Variants in DNAJC1 observed in about 807,000 individuals in gnomAD.
The protein encoded by DNAJC1 is dnaJ homolog subfamily C member 1.
A neutral mutation model predicts 76.6 loss-of-function variants in DNAJC1; 58 were observed. That is an observed-to-expected ratio of 0.76 (90% CI 0.61 to 0.94). The LOEUF (loss-of-function observed/expected upper bound fraction) is 0.94. DNAJC1 is among the 40% of genes least tolerant of loss of function. DNAJC1 has a pLI of 0.00. For missense variants in DNAJC1, 689 were observed against 677.3 expected (o/e 1.02, Z -0.19); for synonymous variants, 258 against 267.9 (o/e 0.96, Z 0.36).
At chr10:21,962,290 A>T (rs1837807363) in intron 1 of DNAJC1, among the ~76,000 whole-genome samples, 1 of 152,066 alleles carries the variant, frequency 6.6e-6, no homozygotes, top group African/African-American at 2.4e-5. Context: ...ATAATTGTGA[A>T]TTAATGTATA....
chr10:21,953,730 T>C (rs1837634611), intron 1 of DNAJC1, among the ~76,000 whole-genome samples: 1 of 150,832 alleles, frequency 6.6e-6, no homozygotes, highest in Non-Finnish European at 1.5e-5. Context: ...TACGCTTTTG[T>C]TATTCATAAT....
chr10:21,873,746 C>A (rs1467830098), intron 8 of DNAJC1, among the ~76,000 whole-genome samples: 1 of 152,116 alleles, frequency 6.6e-6, no homozygotes, highest in Non-Finnish European at 1.5e-5. Context: ...GCTTGTAATT[C>A]CTTTTCTTTT....
At chr10:21,839,800 A>G (rs1476410976) in intron 8 of DNAJC1, among the ~76,000 whole-genome samples, 2 of 152,228 alleles carry the variant, frequency 1.3e-5, no homozygotes, top group Admixed American at 6.5e-5. Context: ...CACAACAAAA[A>G]AAGAGAATTT....
chr10:21,925,505 G>A (rs1837113095), intron 3 of DNAJC1, among the ~76,000 whole-genome samples: 1 of 152,154 alleles, frequency 6.6e-6, no homozygotes, highest in Non-Finnish European at 1.5e-5. Flanking sequence ...TAGAAGCCTT[G>A]CTCATCACAG....
intron 8 of DNAJC1, among the ~76,000 whole-genome samples, chr10:21,820,854 T>C (rs1835147887): frequency 6.6e-6 from 1 of 152,194 alleles, no homozygotes; most frequent in Admixed American, 6.5e-5. Context: ...AAAAGACGTT[T>C]AGAGTGAGGG....
chr10:21,868,743 AT>A (rs1836052442), intron 8 of DNAJC1, among the ~76,000 whole-genome samples: 1 of 152,028 alleles, frequency 6.6e-6, no homozygotes, highest in African/African-American at 2.4e-5. Context: ...CCCAAACCAA[AT>A]TTATGGACCT....
intron 8 of DNAJC1, among the ~76,000 whole-genome samples, chr10:21,841,188 C>T (rs1212490813): frequency 6.6e-6 from 1 of 152,160 alleles, no homozygotes; most frequent in East Asian, 1.9e-4. Context: ...AGGACATAGG[C>T]ATGGGCAGGG....
In DNAJC1 at chr10:21,929,083, G is replaced by A. The variant is rs1238260777; in HGVS notation, c.281C>T (p.Pro94Leu). 6.2e-7 allele frequency: 1 copy of A among 1,611,912 alleles called. No homozygotes were observed. The stretch of plus-strand genomic sequence containing the variant: ...TGCATTTTCATCTTTATTCTTGTCT[G>A]GATGTAAAGTTAGTGAAAGCTTACG... Reference protein sequence around the residue: ...AYRKLSLTLHPDKNKDENAET... With the variant: ...AYRKLSLTLHLDKNKDENAET... The change falls in exon 2 of 12, where the codon CCA (proline) becomes CTA (leucine). Residue 94 changes from proline to leucine, a missense_variant. By Grantham distance (98) the Pro-to-Leu change is moderately conservative (BLOSUM62 -3). Transcript: ENST00000376980.
intron 1 of DNAJC1, among the ~76,000 whole-genome samples, chr10:21,992,140 GTC>G (rs1838334369): frequency 6.6e-6 from 1 of 152,124 alleles, no homozygotes; most frequent in Non-Finnish European, 1.5e-5. Flanking sequence ...GTGAAACCCC[GTC>G]TCTACTAAAA....
At chr10:21,950,602 G>A (rs554856438) in intron 1 of DNAJC1, among the ~76,000 whole-genome samples, 12 of 152,276 alleles carry the variant, frequency 7.9e-5, no homozygotes, top group Non-Finnish European at 1.6e-4. Context: ...GTTTAGTGAG[G>A]AAGGCATGTT....
chr10:21,943,290 A>C (rs893551812), intron 1 of DNAJC1, among the ~76,000 whole-genome samples: 1 of 152,248 alleles, frequency 6.6e-6, no homozygotes, highest in African/African-American at 2.4e-5. Flanking sequence ...AATAAAACAG[A>C]AAAGGGAAAA....
chr10:21,852,753 C>T (rs1326491770), intron 8 of DNAJC1, among the ~76,000 whole-genome samples: 1 of 151,516 alleles, frequency 6.6e-6, no homozygotes, highest in African/African-American at 2.4e-5. Flanking sequence ...TAACGAAGTA[C>T]CCACTTTTTT....
chr10:21,875,868 C>G (rs142496343), intron 8 of DNAJC1, among the ~76,000 whole-genome samples: 1 of 152,006 alleles, frequency 6.6e-6, no homozygotes, highest in South Asian at 2.1e-4. Context: ...GAGGTTGCAG[C>G]GAGGTGAGAT....
In DNAJC1 at chr10:21,762,871, G is replaced by GGTCA. The variant is rs1193588341; in HGVS notation, c.1148-3257_1148-3254dup. ...ATCCGTAAAAATAAGAGTTTTTATA[G>GGTCA]GTCACATTGTTTTGGCCATAGAATA... On this transcript the variant is annotated intron_variant, in intron 10 of 11. Coordinates refer to ENST00000376980, the MANE Select transcript of DNAJC1 (RefSeq NM_022365.4). Among the ~76,000 whole-genome samples the GGTCA allele has an allele frequency of 3.9e-5, 6 of 152,284 alleles. No homozygotes were observed. The South Asian group carries it at 6.2e-4, about 16-fold the overall frequency.
chr10:21,909,404 G>A (rs1307174948), intron 6 of DNAJC1, among the ~76,000 whole-genome samples: 1 of 152,138 alleles, frequency 6.6e-6, no homozygotes, highest in Non-Finnish European at 1.5e-5. Context: ...ATTAGGATAT[G>A]TGGTGATTAT....
chr10:21,822,708 T>C (rs1041036784), intron 8 of DNAJC1, among the ~76,000 whole-genome samples: 3 of 152,064 alleles, frequency 2.0e-5, no homozygotes, highest in African/African-American at 7.2e-5. Context: ...TATTGTATCA[T>C]AGTTATGTGA....
At chr10:21,938,633 A>G (rs893052036) in intron 1 of DNAJC1, among the ~76,000 whole-genome samples, 1 of 152,224 alleles carries the variant, frequency 6.6e-6, no homozygotes, top group African/African-American at 2.4e-5. Flanking sequence ...TGGTGTTCCA[A>G]TAAAACTTTA....
At chr10:21,811,501 C>T (rs1314509111) in intron 8 of DNAJC1, among the ~76,000 whole-genome samples, 2 of 152,168 alleles carry the variant, frequency 1.3e-5, no homozygotes, top group Non-Finnish European at 2.9e-5. Flanking sequence ...AGTCTCCTAT[C>T]AGTGTGAGAG....
At chr10:21,967,079 C>A (rs1036773571) in intron 1 of DNAJC1, among the ~76,000 whole-genome samples, 4 of 149,104 alleles carry the variant, frequency 2.7e-5, no homozygotes, top group South Asian at 4.3e-4. Context: ...ATAATTTACA[C>A]ACAATTCACC....
Sources: allele counts gnomAD v4.1 joint callset (sites outside exome capture counted in the v4.1 genomes callset), GRCh38; gene constraint gnomAD v4.1.1; transcripts MANE v1.5; gene names NCBI Gene and HGNC (gene_info 2026-07-23, HGNC 2026-07-21).